The following EPHA3 variants were observed in gnomAD, a reference collection of about 807,000 sequenced individuals.
EPHA3 encodes the protein EPH receptor A3.
Under a neutral mutation model 107.1 loss-of-function variants are expected in EPHA3, and 42 were observed. That is an observed-to-expected ratio of 0.39 (90% confidence interval 0.31 to 0.51). The LOEUF is 0.51. EPHA3 is among the 20% of genes least tolerant of loss of function. The pLI is 0.78. For synonymous variants in EPHA3, 461 were observed against 424.8 expected, an observed-to-expected ratio of 1.09 and a Z score of -1.05; for missense variants, 1,183 against 1,211.2, an observed-to-expected ratio of 0.98 and a Z score of 0.35.
chr3:89,280,291 A>T (rs771784707), intron 3 of EPHA3, among the ~76,000 whole-genome samples: 2 of 152,180 alleles, frequency 1.3e-5, no homozygotes, highest in Non-Finnish European at 2.9e-5. Flanking sequence ...TCAAGAAGTG[A>T]GTAGGTATAG....
chr3:89,240,457 GTTAA>G (rs1355997997), intron 3 of EPHA3, among the ~76,000 whole-genome samples: 5 of 151,956 alleles, frequency 3.3e-5, no homozygotes, highest in Non-Finnish European at 7.4e-5. Flanking sequence ...ATGAAAGGCA[GTTAA>G]TTAAGAAAAT....
At chr3:89,478,953 G>C (rs1710572634) in intron 16 of EPHA3, among the ~76,000 whole-genome samples, 1 of 152,132 alleles carries the variant, frequency 6.6e-6, no homozygotes, top group African/African-American at 2.4e-5. Context: ...GTCTCTTCTA[G>C]TTTCTGGTGG....
In EPHA3 at chr3:89,410,658, C is replaced by T. The variant is rs145395574; in HGVS notation, c.1763-2483C>T. Among the ~76,000 whole-genome samples the T allele has an allele frequency of 3.3e-4, 50 of 152,036 alleles. No individual in the cohort carries two copies. The East Asian group carries it at 6.8e-3, about 21-fold the overall frequency. ...GAAGATCACACATTATAGGGTTGATCTGATATGAGTTTTCATCCTTAAAAT... is the reference window on the plus strand; with the variant it reads ...GAAGATCACACATTATAGGGTTGATTTGATATGAGTTTTCATCCTTAAAAT... On this transcript the variant is annotated intron_variant, in intron 9 of 16. Transcript: ENST00000336596.
chr3:89,190,298 AT>A (rs1190730387), intron 2 of EPHA3, among the ~76,000 whole-genome samples: 1 of 152,092 alleles, frequency 6.6e-6, no homozygotes, highest in African/African-American at 2.4e-5. Context: ...TAACTCTCTT[AT>A]TTTTCCTAAC....
chr3:89,331,220 T>G (rs547213050), intron 3 of EPHA3, among the ~76,000 whole-genome samples: 9 of 152,324 alleles, frequency 5.9e-5, no homozygotes, highest in Admixed American at 3.9e-4. Flanking sequence ...TTTTGATTTT[T>G]TATTGTGTAT....
At chr3:89,396,508 A>G (rs1019285640) in intron 6 of EPHA3, among the ~76,000 whole-genome samples, 4 of 152,184 alleles carry the variant, frequency 2.6e-5, no homozygotes, top group Non-Finnish European at 4.4e-5. Flanking sequence ...TGGTAATGCA[A>G]TTATTAAAAA....
chr3:89,460,823 C>CTCTTTTTTTTTTTTTTTT (rs1199238290), intron 15 of EPHA3, among the ~76,000 whole-genome samples: 324 of 102,266 alleles, frequency 3.2e-3, no homozygotes, highest in Admixed American at 7.9e-3. Flanking sequence ...CTCTGTCTCT[C>CTCTTTTTTTTTTTTTTTT]TTTTTTTTTT....
chr3:89,472,710 T>C, intron 16 of EPHA3, 91 bp downstream of exon 16: 1 of 1,400,022 alleles, frequency 7.1e-7, no homozygotes, highest in East Asian at 2.5e-5. Flanking sequence ...TGGCTTGACA[T>C]GTTACAAATA....
At chr3:89,125,357 A>T (rs1704071510) in intron 1 of EPHA3, among the ~76,000 whole-genome samples, 1 of 151,824 alleles carries the variant, frequency 6.6e-6, no homozygotes, top group South Asian at 2.1e-4. Flanking sequence ...TATATCTTTT[A>T]TCAGAATAAA....
intron 5 of EPHA3, among the ~76,000 whole-genome samples, chr3:89,358,864 G>A (rs1459229029): frequency 6.6e-6 from 1 of 151,126 alleles, no homozygotes; most frequent in Non-Finnish European, 1.5e-5. Context: ...GATGATAATT[G>A]CATGTGTATT....
Position 89,205,279 on chromosome 3 carries a change from T to G in EPHA3, c.154-4581T>G, listed in dbSNP as rs140640827. On this transcript the variant is annotated intron_variant, in intron 2 of 16. Coordinates refer to ENST00000336596, the MANE Select transcript of EPHA3 (RefSeq NM_005233.6). The stretch of plus-strand genomic sequence containing the variant: ...ATCAACAATAAATATAAATTCTTAA[T>G]TACCATAATGATGATATACTAGCAT... Among the ~76,000 whole-genome samples the G allele has an allele frequency of 2.4e-3, 363 of 152,326 alleles. 1 individual carries two copies. In the Middle Eastern group the frequency reaches 0.027, roughly 11 times the overall value.
chr3:89,331,494 T>C lies in EPHA3; in HGVS notation c.815-9422T>C, dbSNP rs543960435. Among the ~76,000 whole-genome samples the C allele has an allele frequency of 5.9e-5, 9 of 152,302 alleles. No homozygotes were observed. In the South Asian group the frequency reaches 1.9e-3, roughly 32 times the overall value. On this transcript the variant is annotated intron_variant, in intron 3 of 16. Coordinates refer to ENST00000336596, the MANE Select transcript of EPHA3 (RefSeq NM_005233.6). ...TATTTAGCTGCTTTTCTAATTTAGGTCATCACACTTTTTTTCTAATTTGCC... is the reference window on the plus strand; with the variant it reads ...TATTTAGCTGCTTTTCTAATTTAGGCCATCACACTTTTTTTCTAATTTGCC...
intron 2 of EPHA3, among the ~76,000 whole-genome samples, chr3:89,130,640 T>A (rs1704186048): frequency 6.6e-6 from 1 of 151,170 alleles, no homozygotes; most frequent in Non-Finnish European, 1.5e-5. Flanking sequence ...TTTTTTTTTT[T>A]TTTTCTTTTT....
At chr3:89,407,865 C>T (rs1709084570) in intron 8 of EPHA3, among the ~76,000 whole-genome samples, 1 of 152,132 alleles carries the variant, frequency 6.6e-6, no homozygotes, top group African/African-American at 2.4e-5. Context: ...CTGTGTATCT[C>T]CTCATTAGGC....
intron 3 of EPHA3, among the ~76,000 whole-genome samples, chr3:89,325,440 C>T (rs186677316): frequency 3.9e-4 from 59 of 152,222 alleles, no homozygotes; most frequent in African/African-American, 1.4e-3. Context: ...GTACCTCATG[C>T]GTGAAACCTT....
At chr3:89,229,285 A>G (rs186655359) in intron 3 of EPHA3, among the ~76,000 whole-genome samples, 44 of 151,946 alleles carry the variant, frequency 2.9e-4, no homozygotes, top group Middle Eastern at 3.4e-3. Context: ...GTGATAAATT[A>G]CTCTGTAATT....
chr3:89,412,490 A>G (rs1337475100), intron 9 of EPHA3, among the ~76,000 whole-genome samples: 2 of 151,568 alleles, frequency 1.3e-5, no homozygotes, highest in Non-Finnish European at 1.5e-5. Context: ...AACTGATACT[A>G]TATTGGTGTG....
chr3:89,188,087 G>C (rs1308044852), intron 2 of EPHA3, among the ~76,000 whole-genome samples: 1 of 152,046 alleles, frequency 6.6e-6, no homozygotes. Context: ...GCAGAATTTT[G>C]TTTTTATTTA....
At chr3:89,138,306 T>C (rs963413172) in intron 2 of EPHA3, among the ~76,000 whole-genome samples, 1 of 151,990 alleles carries the variant, frequency 6.6e-6, no homozygotes, top group Non-Finnish European at 1.5e-5. Context: ...TCATGTATTC[T>C]TGGAATTTAG....
Sources: gnomAD v4.1 joint callset for allele counts (sites outside exome capture counted in the v4.1 genomes callset) on GRCh38, gnomAD v4.1.1 for gene constraint, MANE v1.5 for transcripts, NCBI Gene and HGNC (gene_info 2026-07-23, HGNC 2026-07-21) for gene names.